The following NECTIN2 variants were observed in gnomAD, a reference collection of about 807,000 sequenced individuals.
NECTIN2 encodes the protein nectin cell adhesion molecule 2.
In NECTIN2, 23 loss-of-function variants were observed where a neutral mutation model predicts 56.9. The ratio of observed to expected loss-of-function variants is 0.40; its 90% CI spans 0.29 to 0.57. The LOEUF (loss-of-function observed/expected upper bound fraction) is 0.57. Ranked by LOEUF, NECTIN2 falls within the 20% of genes least tolerant of loss-of-function variation. The probability of loss-of-function intolerance (pLI) is 0.38; values close to 1 mark genes in which losing one functional copy is unlikely to be tolerated. For missense variants in NECTIN2, 587 were observed against 718.3 expected, an observed-to-expected ratio of 0.82 and a Z score of 2.09; for synonymous variants, 302 against 313.8, an observed-to-expected ratio of 0.96 and a Z score of 0.40.
At position 44,888,880 on chromosome 19, in the gene NECTIN2, C is replaced by T. The variant is rs1969390153; in HGVS notation, c.*501C>T. 6.4e-6 allele frequency: 1 copy of T among 156,986 alleles called. No homozygotes were observed. Among genetic ancestry groups the T allele is most frequent in the Non-Finnish European group, 1.4e-5 (1 of 70,552 alleles). 9.7% of individuals were successfully genotyped at this position (156,986 alleles called of 1,614,324 possible). The stretch of plus-strand genomic sequence containing the variant: ...CAAAGGTGGGAAAGAGGGGATTCCC[C>T]AGCCCAAGGCAGGGTTTTCCCAGCA... On this transcript the variant is annotated 3_prime_UTR_variant, in exon 9 of 9. Transcript: ENST00000252483.
chr19:44,882,558 T>G (rs563364340), intron 6 of NECTIN2, among the ~76,000 whole-genome samples, 194 bp downstream of exon 6: 1 of 151,796 alleles, frequency 6.6e-6, no homozygotes, highest in Non-Finnish European at 1.5e-5. Context: ...ATTTAAAAAT[T>G]AGCTGGGGGC....
At chr19:44,877,393 A>C (rs1040321642) in intron 5 of NECTIN2, among the ~76,000 whole-genome samples, 1 of 152,188 alleles carries the variant, frequency 6.6e-6, no homozygotes, top group Non-Finnish European at 1.5e-5. Flanking sequence ...TGCCCTCCTC[A>C]GCACTTCATG....
chr19:44,885,308 T>TTTC (rs1491455897), intron 6 of NECTIN2, among the ~76,000 whole-genome samples: 6 of 68,546 alleles, frequency 8.8e-5, no homozygotes, highest in Admixed American at 2.9e-4. Context: ...TCTTTCTTTC[T>TTTC]TTTTTTTTTT....
At chr19:44,858,632 T>C (rs1187098038) in intron 1 of NECTIN2, among the ~76,000 whole-genome samples, 1 of 151,490 alleles carries the variant, frequency 6.6e-6, no homozygotes, top group Non-Finnish European at 1.5e-5. Context: ...CCTTTTTTCT[T>C]TCTTTCTTTT....
At chr19:44,857,261 G>T (rs138246725) in intron 1 of NECTIN2, among the ~76,000 whole-genome samples, 60 of 145,124 alleles carry the variant, frequency 4.1e-4, no homozygotes, top group Non-Finnish European at 7.4e-4. Flanking sequence ...TTGAGACAGG[G>T]TCTCACCCTG....
At chr19:44,856,926 C>T (rs78842387) in intron 1 of NECTIN2, among the ~76,000 whole-genome samples, 2,095 of 152,278 alleles carry the variant, frequency 0.014, 41 homozygotes, top group African/African-American at 0.048. Context: ...CTGCAGCAGG[C>T]GGCTGACCCC....
At chr19:44,878,821 G>A (rs374681333) in intron 5 of NECTIN2, 31 of 1,383,634 alleles carry the variant, frequency 2.2e-5, no homozygotes, top group African/African-American at 7.3e-5. Flanking sequence ...TGGGGAGCCC[G>A]GGGAGCTGAG....
chr19:44,846,640 C>G, intron 1 of NECTIN2, 27 bp downstream of exon 1: 1 of 1,520,930 alleles, frequency 6.6e-7, no homozygotes, highest in Non-Finnish European at 8.8e-7. Context: ...GCCCCCTGCC[C>G]TCGCGCGGAC....
intron 3 of NECTIN2, among the ~76,000 whole-genome samples, 155 bp from the exon 4 acceptor site, chr19:44,873,761 A>C (rs1354392105): frequency 6.6e-6 from 1 of 152,184 alleles, no homozygotes; most frequent in African/African-American, 2.4e-5. Context: ...TGACATCAGC[A>C]CACAACAGCC....
intron 5 of NECTIN2, chr19:44,878,518 G>A (rs1216390727): frequency 1.2e-6 from 2 of 1,614,110 alleles, no homozygotes; most frequent in East Asian, 4.5e-5. Context: ...AGGAAGAGAA[G>A]GCAGAGAAAG....
At chr19:44,853,519 C>T (rs1263948802) in intron 1 of NECTIN2, among the ~76,000 whole-genome samples, 2 of 143,332 alleles carry the variant, frequency 1.4e-5, no homozygotes, top group African/African-American at 5.2e-5. Flanking sequence ...GATGGAGTCT[C>T]ACTCTGTCCC....
At chr19:44,885,549 T>A (rs1361629622) in intron 6 of NECTIN2, among the ~76,000 whole-genome samples, 1 of 151,894 alleles carries the variant, frequency 6.6e-6, no homozygotes, top group East Asian at 1.9e-4. Context: ...TGACCTCAGA[T>A]GATCCGCCCG....
chr19:44,877,524 C>G (rs753911645), intron 5 of NECTIN2, among the ~76,000 whole-genome samples: 2 of 152,198 alleles, frequency 1.3e-5, no homozygotes, highest in Non-Finnish European at 2.9e-5. Flanking sequence ...ATTTTACACA[C>G]TGGGGATAAG....
chr19:44,882,518 G>T (rs1292406420), intron 6 of NECTIN2, among the ~76,000 whole-genome samples, 154 bp downstream of exon 6: 1 of 151,976 alleles, frequency 6.6e-6, no homozygotes, highest in East Asian at 1.9e-4. Context: ...GGAGGTATGG[G>T]TTTCTCTCTG....
Position 44,871,956 on chromosome 19 carries a change from C to A in NECTIN2, c.582C>A (p.Ile194=). 6.2e-7 allele frequency: 1 copy of A among 1,614,198 alleles called. No homozygotes were observed. Among genetic ancestry groups the A allele is most frequent in the Non-Finnish European group, 8.5e-7 (1 of 1,180,028 alleles). Residue 194 remains isoleucine, a synonymous_variant, in exon 3 of 9, where the codon ATC becomes ATA. Coordinates refer to ENST00000252483, the MANE Select transcript of NECTIN2 (RefSeq NM_001042724.2). ...AAGAGGGCCGCCCACCTGCCCGGAT[C>A]TCCTGGCTCTCATCCCTGGACTGGG... ...ISKEGRPPAR[I]SWLSSLDWEA...
At chr19:44,868,913 A>G (rs1348019714) in intron 2 of NECTIN2, among the ~76,000 whole-genome samples, 1 of 68,766 alleles carries the variant, frequency 1.5e-5, no homozygotes, top group Non-Finnish European at 3.0e-5. Context: ...CTCTGTCTGG[A>G]AAAAAAAAAA....
At chr19:44,864,019 C>CCG (rs1568590975) in intron 1 of NECTIN2, among the ~76,000 whole-genome samples, 6 of 151,516 alleles carry the variant, frequency 4.0e-5, no homozygotes, top group African/African-American at 1.5e-4. Context: ...GATTCCCCCC[C>CCG]CCCAAAAAAA....
At chr19:44,847,029 C>T (rs978440534) in intron 1 of NECTIN2, among the ~76,000 whole-genome samples, 1 of 152,114 alleles carries the variant, frequency 6.6e-6, no homozygotes, top group African/African-American at 2.4e-5. Context: ...TTCCCCCCAC[C>T]TACCGCAGTA....
Position 44,882,233 on chromosome 19 carries a change from AG to A in NECTIN2, c.1069del (p.Ala357ProfsTer138). On this transcript the variant is annotated frameshift_variant, in exon 6 of 9. Coordinates refer to ENST00000252483, the MANE Select transcript of NECTIN2 (RefSeq NM_001042724.2). LOFTEE classifies it high-confidence loss of function. Reference protein sequence around the residue: ...VRETPNTAGAGATGGIIGGII... With the variant: ...VRETPNTAGAXATGGIIGGII... ...CAGAGACCCCCAACACAGCAGGCGC[AG>A]GGGCCACAGGCGGCATCATCGGGGG... 1 of 1,518,950 alleles carries A rather than the reference AG, an allele frequency of 6.6e-7. No individual in the cohort carries two copies. The highest frequency in any genetic ancestry group is 8.9e-7 in the Non-Finnish European group (1 of 1,128,730). The allele number at this position is 1,518,950 out of a possible 1,614,324, so 94.1% of individuals were successfully genotyped here.
Sources: gnomAD v4.1 joint callset for allele counts (sites outside exome capture counted in the v4.1 genomes callset) on GRCh38, gnomAD v4.1.1 for gene constraint, MANE v1.5 for transcripts, NCBI Gene and HGNC (gene_info 2026-07-23, HGNC 2026-07-21) for gene names.